The following DISC1 variants were observed in gnomAD, a reference collection of about 807,000 sequenced individuals.
DISC1 encodes the protein DISC1 scaffold protein.
Under a neutral mutation model 84.5 loss-of-function variants are expected in DISC1, and 57 were observed. The ratio of observed to expected loss-of-function variants is 0.67; its 90% CI spans 0.55 to 0.84. The LOEUF (loss-of-function observed/expected upper bound fraction) is 0.84. DISC1 is among the 40% of genes least tolerant of loss of function. The pLI is 0.00. For synonymous variants in DISC1, 411 were observed against 415.2 expected, an observed-to-expected ratio of 0.99 and a Z score of 0.12; for missense variants, 1,000 against 1,057.8, an observed-to-expected ratio of 0.95 and a Z score of 0.76.
chr1:231,939,968 C>T (rs1029043241), intron 9 of DISC1, among the ~76,000 whole-genome samples: 6 of 152,182 alleles, frequency 3.9e-5, no homozygotes, highest in African/African-American at 1.4e-4. Flanking sequence ...GTCTCAAACT[C>T]ATGACCTCAG....
At chr1:231,992,127 G>A (rs1665286536) in intron 10 of DISC1, among the ~76,000 whole-genome samples, 1 of 152,120 alleles carries the variant, frequency 6.6e-6, no homozygotes, top group Non-Finnish European at 1.5e-5. Context: ...ATGCCTAGAA[G>A]AGGAATAGCT....
At chr1:231,984,723 G>A (rs1223505448) in intron 10 of DISC1, among the ~76,000 whole-genome samples, 1 of 152,136 alleles carries the variant, frequency 6.6e-6, no homozygotes, top group East Asian at 1.9e-4. Flanking sequence ...AATATATGGA[G>A]GAAGAACTAG....
intron 9 of DISC1, among the ~76,000 whole-genome samples, chr1:231,933,958 C>T (rs1314868338): frequency 1.3e-5 from 2 of 152,146 alleles, no homozygotes; most frequent in Admixed American, 1.3e-4. Context: ...ATTCCTGGTC[C>T]GGGCTCCAGC....
chr1:231,845,621 T>A (rs1409666307), intron 9 of DISC1, among the ~76,000 whole-genome samples: 4 of 152,012 alleles, frequency 2.6e-5, no homozygotes, highest in Admixed American at 2.6e-4. Flanking sequence ...CACGCCAGGC[T>A]GGGGGTTTCC....
At chr1:231,719,390 C>T (rs1385629496) in intron 3 of DISC1, among the ~76,000 whole-genome samples, 1 of 152,166 alleles carries the variant, frequency 6.6e-6, no homozygotes, top group African/African-American at 2.4e-5. Flanking sequence ...ATCTTATTAT[C>T]ATTGTTACAT....
chr1:231,716,274 A>G (rs1558407656), intron 3 of DISC1, among the ~76,000 whole-genome samples: 1 of 151,152 alleles, frequency 6.6e-6, no homozygotes, highest in Non-Finnish European at 1.5e-5. Flanking sequence ...CTGTTTGGCA[A>G]TAAGAAGCTT....
chr1:231,876,339 T>A (rs1364527331), intron 9 of DISC1, among the ~76,000 whole-genome samples: 2 of 152,220 alleles, frequency 1.3e-5, no homozygotes, highest in East Asian at 1.9e-4. Flanking sequence ...CTGCCATGAA[T>A]GTAAGCTTCC....
At chr1:231,701,870 G>C (rs550888965) in intron 2 of DISC1, 85 bp from the exon 3 acceptor site, 1 of 1,180,498 alleles carries the variant, frequency 8.5e-7, no homozygotes, top group African/African-American at 1.6e-5. Context: ...TTTTGAAACA[G>C]TTTCTAAATG....
At chr1:231,785,271 T>G (rs1405267650) in intron 6 of DISC1, among the ~76,000 whole-genome samples, 1 of 149,518 alleles carries the variant, frequency 6.7e-6, no homozygotes, top group Non-Finnish European at 1.5e-5. Context: ...ATTTATTTAT[T>G]TATTTATTTA....
intron 9 of DISC1, among the ~76,000 whole-genome samples, chr1:231,831,383 A>G (rs1442622678): frequency 1.3e-5 from 2 of 152,220 alleles, no homozygotes; most frequent in African/African-American, 4.8e-5. Flanking sequence ...ATAGAATGGG[A>G]CTGTGAGGCT....
rs1215655470 is a variant in DISC1 at position 231,958,904 on chromosome 1, T to G, written c.2042+16T>G. On this transcript the variant is annotated intron_variant, in intron 10 of 12. Transcript: ENST00000439617. ...AACTGTGCAGGTAAGGATAATAATT[T>G]CTGTATTTCAGACTCCGTAGCACAT... 1.2e-6 allele frequency: 2 copies of G among 1,609,664 alleles called. No homozygotes were observed.
intron 1 of DISC1, among the ~76,000 whole-genome samples, chr1:231,676,222 A>C (rs1288045765): frequency 6.6e-6 from 1 of 152,226 alleles, no homozygotes. Flanking sequence ...TAACAGTGGT[A>C]TATTAGTCTC....
chr1:231,956,673 G>C (rs977956153), intron 9 of DISC1, among the ~76,000 whole-genome samples: 1 of 152,104 alleles, frequency 6.6e-6, no homozygotes, highest in African/African-American at 2.4e-5. Context: ...TTAATTATGT[G>C]CAAAATTCTG....
At chr1:231,661,999 G>A (rs759960835) in intron 1 of DISC1, among the ~76,000 whole-genome samples, 15 of 152,140 alleles carry the variant, frequency 9.9e-5, no homozygotes, top group South Asian at 2.1e-4. Context: ...CCACTCTACC[G>A]TAGGGCTGCT....
At chr1:231,778,150 A>G (rs185686267) in intron 6 of DISC1, among the ~76,000 whole-genome samples, 2 of 152,294 alleles carry the variant, frequency 1.3e-5, no homozygotes, top group East Asian at 3.9e-4. Context: ...GGTGTATCTA[A>G]AAATAGACAG....
intron 6 of DISC1, chr1:231,771,609 A>C: frequency 1.0e-6 from 1 of 985,104 alleles, no homozygotes. Flanking sequence ...TATTCATTTT[A>C]CAGGTGAGGA....
chr1:232,002,862 A>C lies in DISC1; in HGVS notation c.2043-5923A>C, dbSNP rs1014243008. Reference sequence around the variant, plus strand: ...TGGTAAGGGGTACCTGAACTTACATAAGTGATAAAATCACATAAAACTATG... The same window carrying C: ...TGGTAAGGGGTACCTGAACTTACATCAGTGATAAAATCACATAAAACTATG... On this transcript the variant is annotated intron_variant, in intron 10 of 12. Transcript: ENST00000439617. Among the ~76,000 whole-genome samples, 6 of 152,142 alleles carry C rather than the reference A, an allele frequency of 3.9e-5. No individual in the cohort carries two copies. The East Asian group carries it at 9.6e-4, about 24-fold the overall frequency.
chr1:231,772,304 C>T (rs1022931047), intron 6 of DISC1, among the ~76,000 whole-genome samples: 13 of 152,254 alleles, frequency 8.5e-5, no homozygotes, highest in South Asian at 2.1e-4. Flanking sequence ...ACATACAGAA[C>T]GCACACTTAC....
chr1:231,916,829 C>G (rs2089672481), intron 9 of DISC1, among the ~76,000 whole-genome samples: 1 of 152,148 alleles, frequency 6.6e-6, no homozygotes, highest in Admixed American at 6.5e-5. Flanking sequence ...TGTGTGACAC[C>G]TACCTGGCCA....
Sources: allele counts gnomAD v4.1 joint callset (sites outside exome capture counted in the v4.1 genomes callset), GRCh38; gene constraint gnomAD v4.1.1; transcripts MANE v1.5; gene names NCBI Gene and HGNC (gene_info 2026-07-23, HGNC 2026-07-21).